Variants in CMTM8 observed in about 807,000 individuals in gnomAD.
CMTM8 encodes CKLF like MARVEL transmembrane domain containing 8.
In CMTM8, 12 loss-of-function variants were observed where a neutral mutation model predicts 18.6. The observed-to-expected ratio is 0.65, with a 90% CI of 0.41 to 1.05. The LOEUF (loss-of-function observed/expected upper bound fraction) is 1.05, where lower values mean the gene tolerates loss of function less well. CMTM8 is among the 50% of genes least tolerant of loss of function. The pLI, the probability that CMTM8 is intolerant of heterozygous loss-of-function variation, is 0.00. For missense variants in CMTM8, 217 were observed against 227.2 expected, an observed-to-expected ratio of 0.95 and a Z score of 0.29; for synonymous variants, 87 against 90.6, an observed-to-expected ratio of 0.96 and a Z score of 0.23.
At chr3:32,339,410 A>G (rs1696449956) in intron 1 of CMTM8, among the ~76,000 whole-genome samples, 2 of 152,246 alleles carry the variant, frequency 1.3e-5, no homozygotes, top group African/African-American at 2.4e-5. Context: ...AGAAAAGGTC[A>G]GAGAGGACCG....
At chr3:32,308,540 C>G (rs1158394512) in intron 1 of CMTM8, among the ~76,000 whole-genome samples, 3 of 152,066 alleles carry the variant, frequency 2.0e-5, no homozygotes, top group Non-Finnish European at 4.4e-5. Context: ...ATGAGGAGAT[C>G]GGGGCTCTAT....
At chr3:32,294,869 A>G (rs1985706) in intron 1 of CMTM8, among the ~76,000 whole-genome samples, 13,563 of 152,134 alleles carry the variant, frequency 0.089, 1,072 homozygotes, top group East Asian at 0.45. Context: ...AGCCAGGCCA[A>G]CATGGTGAAA....
At chr3:32,280,636 G>T (rs574978343) in intron 1 of CMTM8, among the ~76,000 whole-genome samples, 2 of 152,072 alleles carry the variant, frequency 1.3e-5, no homozygotes, top group African/African-American at 4.8e-5. Context: ...TCAAAAATCT[G>T]TAGTTTCATT....
rs147626448 is a variant in CMTM8 at position 32,300,315 on chromosome 3, G to A, written c.148-57058G>A. 2.9e-3 allele frequency among the ~76,000 whole-genome samples: 439 copies of A among 152,300 alleles called. 4 individuals are homozygous for A. Among genetic ancestry groups the A allele is most frequent in the African/African-American group, 0.01 (433 of 41,554 alleles). On this transcript the variant is annotated intron_variant, in intron 1 of 3. Coordinates refer to ENST00000307526, the MANE Select transcript of CMTM8 (RefSeq NM_178868.5). ...GGGCAGGACCCTTTCTGGAATGGGG[G>A]TCTTATGAACTACAACCAAACAAGG...
At chr3:32,324,445 G>A (rs1055047255) in intron 1 of CMTM8, among the ~76,000 whole-genome samples, 1 of 152,132 alleles carries the variant, frequency 6.6e-6, no homozygotes, top group Non-Finnish European at 1.5e-5. Context: ...ACATTTGAGA[G>A]GAAGGTTTTT....
intron 1 of CMTM8, among the ~76,000 whole-genome samples, chr3:32,280,422 A>G (rs755858953): frequency 1.3e-5 from 2 of 152,124 alleles, no homozygotes; most frequent in East Asian, 1.9e-4. Context: ...CTTTATTTGC[A>G]TAGGGGTATA....
At chr3:32,251,473 C>A (rs1325283983) in intron 1 of CMTM8, among the ~76,000 whole-genome samples, 2 of 131,764 alleles carry the variant, frequency 1.5e-5, no homozygotes, top group African/African-American at 5.9e-5. Context: ...GCCACCACAC[C>A]CCGCTAATTT....
At chr3:32,259,900 G>A in intron 1 of CMTM8, 1 of 1,007,402 alleles carries the variant, frequency 9.9e-7, no homozygotes, top group East Asian at 2.5e-5. Context: ...CCAGCCTGGA[G>A]AACAGCCTGA....
chr3:32,242,806 G>T (rs899843540), intron 1 of CMTM8, among the ~76,000 whole-genome samples: 2 of 151,868 alleles, frequency 1.3e-5, no homozygotes, highest in Non-Finnish European at 2.9e-5. Flanking sequence ...ATTCACGTAA[G>T]TTTCAGGAGA....
intron 1 of CMTM8, among the ~76,000 whole-genome samples, chr3:32,288,850 C>T (rs556225059): frequency 1.3e-5 from 2 of 152,210 alleles, no homozygotes; most frequent in South Asian, 4.1e-4. Context: ...CTATCTCAGT[C>T]GAATTTCCTA....
intron 1 of CMTM8, among the ~76,000 whole-genome samples, chr3:32,257,097 A>G (rs991371335): frequency 2.6e-5 from 4 of 152,132 alleles, no homozygotes; most frequent in African/African-American, 7.2e-5. Context: ...AAGCAATTCT[A>G]TGTCCCAGTA....
At chr3:32,275,711 G>A (rs1702507281) in intron 1 of CMTM8, among the ~76,000 whole-genome samples, 1 of 133,818 alleles carries the variant, frequency 7.5e-6, no homozygotes, top group African/African-American at 2.8e-5. Context: ...GTGTGATAGT[G>A]TGACCACAGC....
At chr3:32,337,807 C>G (rs997287711) in intron 1 of CMTM8, among the ~76,000 whole-genome samples, 1 of 152,092 alleles carries the variant, frequency 6.6e-6, no homozygotes, top group Non-Finnish European at 1.5e-5. Flanking sequence ...TCCAAGGCTA[C>G]AAGGCAGAGG....
At chr3:32,340,124 A>T (rs1696464958) in intron 1 of CMTM8, among the ~76,000 whole-genome samples, 1 of 152,188 alleles carries the variant, frequency 6.6e-6, no homozygotes, top group African/African-American at 2.4e-5. Flanking sequence ...AACGTCTGGT[A>T]CTAATGGGTG....
intron 1 of CMTM8, among the ~76,000 whole-genome samples, chr3:32,304,161 A>T (rs1335459624): frequency 6.6e-6 from 1 of 152,210 alleles, no homozygotes; most frequent in African/African-American, 2.4e-5. Flanking sequence ...TTGTGATCGC[A>T]TGATAATTGG....
Position 32,246,133 on chromosome 3 carries a change from C to G in CMTM8, c.147+7014C>G, listed in dbSNP as rs556856816. Reference sequence around the variant, plus strand: ...CTGTAATTGTTTTTTAAAGCATACTCTCTTGTAAACTACTCTTTTTGTTTC... The same window carrying G: ...CTGTAATTGTTTTTTAAAGCATACTGTCTTGTAAACTACTCTTTTTGTTTC... On this transcript the variant is annotated intron_variant, in intron 1 of 3. Transcript: ENST00000307526. Among the ~76,000 whole-genome samples the G allele has an allele frequency of 3.9e-5, 6 of 152,306 alleles. No individual in the cohort carries two copies. In the East Asian group the frequency reaches 9.6e-4, roughly 24 times the overall value.
chr3:32,316,644 A>G (rs1007592577), intron 1 of CMTM8, among the ~76,000 whole-genome samples: 8 of 149,718 alleles, frequency 5.3e-5, no homozygotes, highest in African/African-American at 2.0e-4. Context: ...AGCTGCACAT[A>G]AAAGATCCTG....
chr3:32,350,244 T>C (rs1696678629), intron 1 of CMTM8, among the ~76,000 whole-genome samples: 1 of 152,074 alleles, frequency 6.6e-6, no homozygotes, highest in Non-Finnish European at 1.5e-5. Context: ...TACCTGAGTC[T>C]TTTTAGACTT....
At chr3:32,295,035 A>G (rs1001099329) in intron 1 of CMTM8, among the ~76,000 whole-genome samples, 1 of 152,178 alleles carries the variant, frequency 6.6e-6, no homozygotes, top group Non-Finnish European at 1.5e-5. Context: ...AGCCTGGGTG[A>G]CAGAGCAAGA....
Sources: allele counts gnomAD v4.1 joint callset (sites outside exome capture counted in the v4.1 genomes callset), GRCh38; gene constraint gnomAD v4.1.1; transcripts MANE v1.5; gene names NCBI Gene and HGNC (gene_info 2026-07-23, HGNC 2026-07-21).